KIAA1328: variants seen among roughly 807,000 people sequenced by gnomAD.
The protein encoded by KIAA1328 is protein hinderin.
A neutral mutation model predicts 68.1 loss-of-function variants in KIAA1328; 52 were observed. That is an observed-to-expected ratio of 0.76 (90% confidence interval 0.61 to 0.96). The LOEUF is 0.96. KIAA1328 is among the 40% of genes least tolerant of loss of function. The pLI, the probability that KIAA1328 is intolerant of heterozygous loss-of-function variation, is 0.00. For synonymous variants in KIAA1328, 232 were observed against 239.4 expected (o/e 0.97, Z 0.28); for missense variants, 641 against 677.6 (o/e 0.95, Z 0.60).
chr18:36,865,423 T>G (rs901788650), intron 4 of KIAA1328, among the ~76,000 whole-genome samples: 1 of 152,232 alleles, frequency 6.6e-6, no homozygotes, highest in Non-Finnish European at 1.5e-5. Context: ...GAATAACTTT[T>G]AAAATGATTT....
At position 36,907,571 on chromosome 18, in the gene KIAA1328, A is replaced by G. The variant is rs565743466; in HGVS notation, c.448+21899A>G. Among the ~76,000 whole-genome samples the G allele has an allele frequency of 4.9e-4, 74 of 152,202 alleles. No homozygotes were observed. In the South Asian group the frequency reaches 0.012, roughly 25 times the overall value. ...GATCATATAGTTTTGCTGATGATTA[A>G]TTTTTGAATATTAACCAGCTTTGCA... On this transcript the variant is annotated intron_variant, in intron 5 of 9. Transcript: ENST00000280020.
intron 9 of KIAA1328, among the ~76,000 whole-genome samples, chr18:37,178,886 A>G (rs1239622655): frequency 6.6e-6 from 1 of 152,112 alleles, no homozygotes. Flanking sequence ...CCTTTGAGAA[A>G]TGTCTATTCA....
intron 6 of KIAA1328, among the ~76,000 whole-genome samples, chr18:36,961,343 G>T (rs571103463): frequency 6.6e-5 from 10 of 152,328 alleles, no homozygotes; most frequent in Admixed American, 6.5e-5. Context: ...CATTTGGTTG[G>T]TGTACCTGAA....
Position 36,980,380 on chromosome 18 carries a change from G to A in KIAA1328, c.576+20945G>A, listed in dbSNP as rs1043873386. 2.6e-5 allele frequency among the ~76,000 whole-genome samples: 4 copies of A among 152,076 alleles called. No individual in the cohort carries two copies. The South Asian group carries it at 6.2e-4, about 24-fold the overall frequency. ...CAGATATACTGGTGGGGCTGGTCAGGGTCCATATGATGTTTCTCTTGATAA... is the reference window on the plus strand; with the variant it reads ...CAGATATACTGGTGGGGCTGGTCAGAGTCCATATGATGTTTCTCTTGATAA... On this transcript the variant is annotated intron_variant, in intron 6 of 9. Coordinates refer to ENST00000280020, the MANE Select transcript of KIAA1328 (RefSeq NM_020776.3).
chr18:36,846,186 G>C (rs2047022137), intron 4 of KIAA1328, among the ~76,000 whole-genome samples: 1 of 151,582 alleles, frequency 6.6e-6, no homozygotes, highest in South Asian at 2.1e-4. Flanking sequence ...GTAGAGAACA[G>C]AATCTCATAT....
At chr18:36,961,005 T>G (rs1437508498) in intron 6 of KIAA1328, among the ~76,000 whole-genome samples, 1 of 152,124 alleles carries the variant, frequency 6.6e-6, no homozygotes, top group East Asian at 1.9e-4. Context: ...AGGTTGATAA[T>G]AACACACTTC....
At chr18:37,108,211 C>T (rs1326443077) in intron 7 of KIAA1328, among the ~76,000 whole-genome samples, 2 of 152,130 alleles carry the variant, frequency 1.3e-5, no homozygotes, top group African/African-American at 2.4e-5. Context: ...AAGTCATGTC[C>T]TTTGCAGCAA....
chr18:36,885,897 A>G (rs181322397), intron 5 of KIAA1328: 4 of 487,252 alleles, frequency 8.2e-6, no homozygotes, highest in African/African-American at 8.1e-5. Flanking sequence ...TCGTATTTTT[A>G]GTAGAGACGG....
intron 6 of KIAA1328, among the ~76,000 whole-genome samples, chr18:37,005,212 C>T (rs1396830142): frequency 6.6e-6 from 1 of 151,794 alleles, no homozygotes; most frequent in Non-Finnish European, 1.5e-5. Flanking sequence ...CCAAATTACC[C>T]CTGTTTTCCC....
chr18:37,165,794 T>C (rs1489025110), intron 8 of KIAA1328, among the ~76,000 whole-genome samples: 1 of 151,904 alleles, frequency 6.6e-6, no homozygotes, highest in Non-Finnish European at 1.5e-5. Flanking sequence ...GGTTTCACCA[T>C]GTTGGCCAGG....
At chr18:36,995,765 A>G (rs372677255) in intron 6 of KIAA1328, among the ~76,000 whole-genome samples, 10 of 152,216 alleles carry the variant, frequency 6.6e-5, no homozygotes, top group African/African-American at 2.2e-4. Context: ...GAAAAACTCT[A>G]GATAAATATG....
At chr18:37,181,363 A>G (rs911279211) in intron 9 of KIAA1328, among the ~76,000 whole-genome samples, 1 of 152,064 alleles carries the variant, frequency 6.6e-6, no homozygotes, top group Non-Finnish European at 1.5e-5. Flanking sequence ...AAGGATTTTC[A>G]TTTAGTTGGG....
At chr18:37,055,473 T>C (rs891626789) in intron 6 of KIAA1328, among the ~76,000 whole-genome samples, 3 of 152,226 alleles carry the variant, frequency 2.0e-5, no homozygotes, top group Admixed American at 1.3e-4. Flanking sequence ...GATGATCTTC[T>C]AGCAAAATCT....
At chr18:37,022,300 A>T (rs370714243) in intron 6 of KIAA1328, among the ~76,000 whole-genome samples, 1 of 152,170 alleles carries the variant, frequency 6.6e-6, no homozygotes, top group African/African-American at 2.4e-5. Flanking sequence ...TAAGGAAGGT[A>T]TAGATTTTAA....
At chr18:37,109,523 T>C (rs1352225338) in intron 7 of KIAA1328, among the ~76,000 whole-genome samples, 1 of 152,214 alleles carries the variant, frequency 6.6e-6, no homozygotes. Flanking sequence ...TCATAGATTT[T>C]TTTCAGGATG....
intron 5 of KIAA1328, among the ~76,000 whole-genome samples, chr18:36,915,241 G>T (rs1306788551): frequency 1.3e-5 from 2 of 152,144 alleles, no homozygotes; most frequent in African/African-American, 2.4e-5. Context: ...TGCAAATATG[G>T]TCAGTGGTTT....
At chr18:36,966,294 A>G (rs1393005611) in intron 6 of KIAA1328, among the ~76,000 whole-genome samples, 1 of 152,224 alleles carries the variant, frequency 6.6e-6, no homozygotes, top group Non-Finnish European at 1.5e-5. Flanking sequence ...AAAATGACAT[A>G]AGGCAGTAAC....
chr18:37,188,567 A>T (rs1340588305), intron 9 of KIAA1328, among the ~76,000 whole-genome samples: 2 of 152,192 alleles, frequency 1.3e-5, no homozygotes, highest in Non-Finnish European at 2.9e-5. Flanking sequence ...TGATGCTCCT[A>T]GAGGGGCCTC....
At chr18:37,178,225 G>C (rs913288882) in intron 9 of KIAA1328, among the ~76,000 whole-genome samples, 1 of 151,866 alleles carries the variant, frequency 6.6e-6, no homozygotes, top group Non-Finnish European at 1.5e-5. Flanking sequence ...ACTCTTCCTA[G>C]CCTCTAGTAT....
Sources: gnomAD v4.1 joint callset for allele counts (sites outside exome capture counted in the v4.1 genomes callset) on GRCh38, gnomAD v4.1.1 for gene constraint, MANE v1.5 for transcripts, NCBI Gene and HGNC (gene_info 2026-07-23, HGNC 2026-07-21) for gene names.